Variants in ERC2 observed in about 807,000 individuals in gnomAD.
The protein encoded by ERC2 is ERC protein 2.
In ERC2, 42 loss-of-function variants were observed where a neutral mutation model predicts 114.8. That is an observed-to-expected ratio of 0.37 (90% CI 0.29 to 0.47). ERC2 has a LOEUF of 0.47. Among genes scored for constraint, ERC2 ranks in the 20% least tolerant of loss-of-function variants. The probability of loss-of-function intolerance (pLI) is 0.99; values close to 1 mark genes in which losing one functional copy is unlikely to be tolerated. For synonymous variants in ERC2, 454 were observed against 425.5 expected (o/e 1.07, Z -0.82); for missense variants, 939 against 1,150.7 (o/e 0.82, Z 2.66).
intron 3 of ERC2, among the ~76,000 whole-genome samples, chr3:56,238,975 T>C (rs578003927): frequency 6.6e-6 from 1 of 152,142 alleles, no homozygotes; most frequent in Non-Finnish European, 1.5e-5. Flanking sequence ...GCATGCCCTA[T>C]AAAAAGGATG....
intron 10 of ERC2, chr3:56,003,062 T>G: frequency 7.8e-7 from 1 of 1,282,520 alleles, no homozygotes; most frequent in Non-Finnish European, 1.0e-6. Context: ...CCTCATGCTT[T>G]GATATGTTAC....
At chr3:55,898,727 T>C (rs2149340112) in intron 13 of ERC2, among the ~76,000 whole-genome samples, 1 of 152,320 alleles carries the variant, frequency 6.6e-6, no homozygotes, top group South Asian at 2.1e-4. Flanking sequence ...CCATTTTTTT[T>C]TTACATTTTC....
intron 3 of ERC2, among the ~76,000 whole-genome samples, chr3:56,278,098 T>G (rs1426355487): frequency 6.6e-6 from 1 of 152,204 alleles, no homozygotes; most frequent in African/African-American, 2.4e-5. Flanking sequence ...ATCAAGAGGT[T>G]AGAATAGTGC....
intron 13 of ERC2, among the ~76,000 whole-genome samples, chr3:55,922,888 T>C (rs1015659338): frequency 2.0e-5 from 3 of 152,020 alleles, no homozygotes; most frequent in Admixed American, 1.3e-4. Flanking sequence ...TCAAAAAGTA[T>C]TGGTGAGGAT....
At chr3:56,263,933 A>G (rs1157764093) in intron 3 of ERC2, among the ~76,000 whole-genome samples, 2 of 152,168 alleles carry the variant, frequency 1.3e-5, no homozygotes, top group African/African-American at 4.8e-5. Flanking sequence ...TGAATTTGAT[A>G]ATACATCAAA....
intron 2 of ERC2, among the ~76,000 whole-genome samples, chr3:56,314,428 T>C (rs773601014): frequency 1.4e-4 from 20 of 146,936 alleles, no homozygotes; most frequent in Middle Eastern, 6.9e-3. Context: ...AAGCTCCTAC[T>C]ATTATTAATA....
At chr3:56,357,615 G>C (rs903300621) in intron 2 of ERC2, among the ~76,000 whole-genome samples, 2 of 151,758 alleles carry the variant, frequency 1.3e-5, no homozygotes, top group African/African-American at 2.4e-5. Flanking sequence ...CTTCTGACGT[G>C]GGTCTCACAG....
At chr3:56,437,035 T>TA (rs1454165608) in intron 1 of ERC2, among the ~76,000 whole-genome samples, 1 of 152,240 alleles carries the variant, frequency 6.6e-6, no homozygotes, top group Non-Finnish European at 1.5e-5. Context: ...CTCCTTTTTT[T>TA]ATATATGTCT....
intron 15 of ERC2, among the ~76,000 whole-genome samples, chr3:55,722,379 T>A (rs114250477): frequency 0.019 from 2,846 of 152,018 alleles, 37 homozygotes; most frequent in Middle Eastern, 0.031. Flanking sequence ...CTCACTGAGG[T>A]CTCCCCTCCA....
intron 16 of ERC2, among the ~76,000 whole-genome samples, chr3:55,696,453 T>C (rs114009061): frequency 0.017 from 2,652 of 152,342 alleles, 101 homozygotes; most frequent in African/African-American, 0.061. Flanking sequence ...GCTAACATTA[T>C]GTACATTATG....
chr3:55,714,665 GTGTATATATATATATA>G (rs1319656549), intron 15 of ERC2, among the ~76,000 whole-genome samples: 63 of 36,670 alleles, frequency 1.7e-3, no homozygotes, highest in Non-Finnish European at 2.3e-3. Flanking sequence ...GTGTGTGTGT[GTGTATATATATATATA>G]TATATATATA....
chr3:56,340,259 C>CT (rs981355596), intron 2 of ERC2, among the ~76,000 whole-genome samples: 1 of 151,918 alleles, frequency 6.6e-6, no homozygotes, highest in Non-Finnish European at 1.5e-5. Context: ...ATGATATATC[C>CT]TGATAGATAC....
intron 10 of ERC2, among the ~76,000 whole-genome samples, chr3:55,996,707 G>C (rs1576496712): frequency 6.6e-6 from 1 of 152,256 alleles, no homozygotes; most frequent in East Asian, 1.9e-4. Flanking sequence ...CAGGCCTCTG[G>C]GTTTTGATGT....
intron 14 of ERC2, among the ~76,000 whole-genome samples, chr3:55,796,463 T>C (rs1447365231): frequency 6.6e-6 from 1 of 152,214 alleles, no homozygotes; most frequent in East Asian, 1.9e-4. Flanking sequence ...TCTCACTCTT[T>C]CGCCCAGGCT....
intron 16 of ERC2, among the ~76,000 whole-genome samples, chr3:55,691,082 C>A (rs2062615295): frequency 6.6e-6 from 1 of 152,228 alleles, no homozygotes. Flanking sequence ...TACTCTACAG[C>A]TTCTGCTCTT....
chr3:55,826,858 C>T lies in ERC2; in HGVS notation c.2564+61531G>A, dbSNP rs529036253. Reference sequence around the variant, plus strand: ...AAATAGCTTTCAAATGGAAGACTGGCGAGGCACATTGTGCTCTGGGAGGGG... The same window carrying T: ...AAATAGCTTTCAAATGGAAGACTGGTGAGGCACATTGTGCTCTGGGAGGGG... On this transcript the variant is annotated intron_variant, in intron 14 of 17. Transcript: ENST00000288221. Among the ~76,000 whole-genome samples the T allele has an allele frequency of 3.3e-5, 5 of 152,288 alleles. 1 individual carries two copies. The highest frequency in any genetic ancestry group is 4.1e-4 in the South Asian group (2 of 4,828).
At chr3:56,012,152 A>C (rs1432205942) in intron 8 of ERC2, among the ~76,000 whole-genome samples, 1 of 152,150 alleles carries the variant, frequency 6.6e-6, no homozygotes, top group Non-Finnish European at 1.5e-5. Flanking sequence ...CAAGAGAAGG[A>C]AATGGCCACA....
intron 13 of ERC2, among the ~76,000 whole-genome samples, chr3:55,906,771 G>A (rs1176070370): frequency 2.0e-5 from 3 of 152,162 alleles, no homozygotes; most frequent in Non-Finnish European, 2.9e-5. Context: ...CAGGCAAAGA[G>A]GCTGTGAACA....
chr3:56,463,458 G>GTCCAAGGGAGTCTT (rs1395444626), intron 1 of ERC2, among the ~76,000 whole-genome samples: 20 of 152,148 alleles, frequency 1.3e-4, no homozygotes, highest in Admixed American at 1.2e-3. Flanking sequence ...GCCACTCTAA[G>GTCCAAGGGAGTCTT]TCCAAGGGAG....
Sources: allele counts gnomAD v4.1 joint callset (sites outside exome capture counted in the v4.1 genomes callset), GRCh38; gene constraint gnomAD v4.1.1; transcripts MANE v1.5; gene names NCBI Gene and HGNC (gene_info 2026-07-23, HGNC 2026-07-21).